Variants in PLEKHA4 observed in about 807,000 individuals in gnomAD.
PLEKHA4 encodes pleckstrin homology domain-containing family A member 4.
A neutral mutation model predicts 94.7 loss-of-function variants in PLEKHA4; 73 were observed. The ratio of observed to expected loss-of-function variants is 0.77; its 90% CI spans 0.64 to 0.94. The LOEUF is 0.94. Ranked by LOEUF, PLEKHA4 falls within the 40% of genes least tolerant of loss-of-function variation. PLEKHA4 has a pLI of 0.00. For synonymous variants in PLEKHA4, 449 were observed against 437.1 expected, an observed-to-expected ratio of 1.03 and a Z score of -0.34; for missense variants, 1,049 against 1,054.1, an observed-to-expected ratio of 1.00 and a Z score of 0.07.
In PLEKHA4 at chr19:48,858,627, C is replaced by CAAAAAAAAAAAAA. The variant is rs56663437; in HGVS notation, c.972+220_972+232dup. Among the ~76,000 whole-genome samples, 8 of 63,440 alleles carry CAAAAAAAAAAAAA rather than the reference C, an allele frequency of 1.3e-4. 1 individual carries two copies. Among genetic ancestry groups the CAAAAAAAAAAAAA allele is most frequent in the African/African-American group, 5.4e-4 (5 of 9,244 alleles). 41.6% of individuals were successfully genotyped at this position (63,440 alleles called of 152,430 possible). A position where few individuals can be genotyped will look rare whatever the true frequency, so the allele number is the denominator to read the frequency against. On this transcript the variant is annotated intron_variant, in intron 8 of 19. Coordinates refer to ENST00000263265, the MANE Select transcript of PLEKHA4 (RefSeq NM_020904.3). Reference sequence around the variant, plus strand: ...TGGCGACAGAGCAAGACCTCAGTCTCAAAAAAAAAAAAAAAAAGCAATGGC... The same window carrying CAAAAAAAAAAAAA: ...TGGCGACAGAGCAAGACCTCAGTCTCAAAAAAAAAAAAAAAAAAAAAAAAAAAAAAGCAATGGC...
chr19:48,862,887 T>G (rs2036698514), intron 3 of PLEKHA4, among the ~76,000 whole-genome samples: 1 of 152,232 alleles, frequency 6.6e-6, no homozygotes, highest in Non-Finnish European at 1.5e-5. Context: ...GTCTATCCGC[T>G]GGAGATTGAG....
At chr19:48,862,760 G>T (rs910944774) in intron 3 of PLEKHA4, among the ~76,000 whole-genome samples, 1 of 148,628 alleles carries the variant, frequency 6.7e-6, no homozygotes, top group Non-Finnish European at 1.5e-5. Flanking sequence ...TGATCTGCCT[G>T]CCTCGGCCTC....
At chr19:48,860,999 G>T (rs1263163435) in intron 5 of PLEKHA4, among the ~76,000 whole-genome samples, 2 of 152,098 alleles carry the variant, frequency 1.3e-5, no homozygotes, top group Non-Finnish European at 2.9e-5. Context: ...CTGAGGCCAG[G>T]AGTTTGAGAC....
intron 3 of PLEKHA4, among the ~76,000 whole-genome samples, chr19:48,862,220 T>TTTTTTTTTCA (rs2036670637): frequency 6.6e-6 from 1 of 150,398 alleles, no homozygotes. Context: ...TTTTTTTTTT[T>TTTTTTTTTCA]GACAGAGTCT....
intron 2 of PLEKHA4, among the ~76,000 whole-genome samples, chr19:48,866,459 A>T (rs2036839078): frequency 6.6e-6 from 1 of 152,052 alleles, no homozygotes; most frequent in African/African-American, 2.4e-5. Context: ...GGCACGTGCC[A>T]CCACGCCTGG....
chr19:48,856,953 A>AAG (rs1469374111), intron 9 of PLEKHA4, among the ~76,000 whole-genome samples: 2 of 92,752 alleles, frequency 2.2e-5, no homozygotes, highest in South Asian at 4.1e-4. Flanking sequence ...AAGAAAGAGA[A>AAG]AGAAAGAAAG....
chr19:48,856,898 C>CA (rs1315657736), intron 9 of PLEKHA4, among the ~76,000 whole-genome samples: 1,022 of 35,328 alleles, frequency 0.029, 34 homozygotes, highest in Middle Eastern at 0.069. Context: ...GACCCCGTCT[C>CA]AAAAAAAAAA....
chr19:48,857,954 T>C (rs1351094315), intron 8 of PLEKHA4, among the ~76,000 whole-genome samples: 1 of 151,548 alleles, frequency 6.6e-6, no homozygotes, highest in African/African-American at 2.4e-5. Flanking sequence ...GAAACTGGCA[T>C]GTCTTAGTGA....
chr19:48,838,307 G>C, intron 18 of PLEKHA4, 178 bp from the exon 19 acceptor site: 1 of 474,198 alleles, frequency 2.1e-6, no homozygotes, highest in Non-Finnish European at 3.8e-6. Context: ...GGTGTAACTA[G>C]ATTGTTTATA....
At chr19:48,852,880 C>A (rs1354663007) in intron 12 of PLEKHA4, among the ~76,000 whole-genome samples, 1 of 152,006 alleles carries the variant, frequency 6.6e-6, no homozygotes, top group Non-Finnish European at 1.5e-5. Context: ...TTGCAGTGAG[C>A]CTGGATCCAG....
At position 48,838,038 on chromosome 19, in the gene PLEKHA4, G is replaced by A; in HGVS notation, c.2056C>T (p.Gln686Ter). The change falls in exon 19 of 20, where the codon CAG (glutamine) becomes TAG (stop). Residue 686 changes from glutamine to a stop codon, truncating the protein, a stop_gained. Coordinates refer to ENST00000263265, the MANE Select transcript of PLEKHA4 (RefSeq NM_020904.3). LOFTEE classifies it low-confidence loss of function (END_TRUNC). ...LSQALATEAS[Q>*]WHRMMTGGNL... ...TCACCTGTCATCATTCTGTGCCACT[G>A]CGACGCCTCAGTAGCCAGGGCTTGG... is the stretch of plus-strand genomic sequence containing the variant. The A allele has an allele frequency of 6.2e-7, 1 of 1,613,622 alleles. No homozygotes were observed. Among genetic ancestry groups the A allele is most frequent in the Non-Finnish European group, 8.5e-7 (1 of 1,179,746 alleles).
intron 13 of PLEKHA4, among the ~76,000 whole-genome samples, chr19:48,849,310 T>G (rs570413917): frequency 2.0e-5 from 3 of 150,950 alleles, no homozygotes; most frequent in East Asian, 1.9e-4. Context: ...TTTTTGGGGT[T>G]GTTGTTGTTG....
intron 6 of PLEKHA4, 123 bp from the exon 7 acceptor site, chr19:48,859,807 TC>T (rs2036568516): frequency 3.5e-6 from 3 of 862,378 alleles, no homozygotes; most frequent in Admixed American, 2.7e-5. Context: ...TAAATCATCG[TC>T]CCCCTTCTTC....
At chr19:48,860,731 G>A (rs1333979081) in intron 5 of PLEKHA4, among the ~76,000 whole-genome samples, 1 of 151,732 alleles carries the variant, frequency 6.6e-6, no homozygotes, top group Non-Finnish European at 1.5e-5. Context: ...TGCACTTTGC[G>A]TCGCTGCACG....
intron 5 of PLEKHA4, 148 bp from the exon 6 acceptor site, chr19:48,860,607 A>G: frequency 1.6e-6 from 1 of 622,970 alleles, no homozygotes; most frequent in Non-Finnish European, 2.9e-6. Context: ...ACATAATGAG[A>G]CACCCCCCTC....
At chr19:48,853,630 T>G in intron 12 of PLEKHA4, 52 bp downstream of exon 12, 1 of 1,432,980 alleles carries the variant, frequency 7.0e-7, no homozygotes, top group Non-Finnish European at 9.1e-7. Context: ...TCGTAACGAC[T>G]TGCATAGTCC....
intron 8 of PLEKHA4, 121 bp downstream of exon 8, chr19:48,858,739 T>A (rs930271816): frequency 7.1e-6 from 8 of 1,123,606 alleles, no homozygotes; most frequent in Non-Finnish European, 1.0e-5. Flanking sequence ...TGAGCCCAGC[T>A]GAGATCATTA....
chr19:48,847,930 C>T lies in PLEKHA4; in HGVS notation c.1536G>A (p.Val512=), dbSNP rs1270487665. Residue 512 remains valine, a synonymous_variant, in exon 14 of 20, where the codon GTG becomes GTA. Coordinates refer to ENST00000263265, the MANE Select transcript of PLEKHA4 (RefSeq NM_020904.3). ...PHTEPDSPSP[V]LQGEESSERE... ...TCTCTGAGGACTCCTCGCCCTGGAG[C>T]ACGGGAGATGGGGAGTCAGGCTCAG... is the stretch of plus-strand genomic sequence containing the variant. The T allele has an allele frequency of 6.3e-7, 1 of 1,597,348 alleles. No individual in the cohort carries two copies. The highest frequency in any genetic ancestry group is 1.7e-4 in the Middle Eastern group (1 of 5,998).
intron 13 of PLEKHA4, 72 bp from the exon 14 acceptor site, chr19:48,848,112 C>G: frequency 6.8e-7 from 1 of 1,473,444 alleles, no homozygotes; most frequent in South Asian, 1.2e-5. Context: ...TAGGCCCCTG[C>G]AAAGGTCTGA....
Sources: allele counts gnomAD v4.1 joint callset (sites outside exome capture counted in the v4.1 genomes callset), GRCh38; gene constraint gnomAD v4.1.1; transcripts MANE v1.5; gene names NCBI Gene and HGNC (gene_info 2026-07-23, HGNC 2026-07-21).